RGL1: variants seen among roughly 807,000 people sequenced by gnomAD.
The protein encoded by RGL1 is ral guanine nucleotide dissociation stimulator-like 1.
Under a neutral mutation model 95.2 loss-of-function variants are expected in RGL1, and 24 were observed. The ratio of observed to expected loss-of-function variants is 0.25; its 90% CI spans 0.18 to 0.35. The LOEUF is 0.35. RGL1 is among the 10% of genes least tolerant of loss of function. The probability of loss-of-function intolerance (pLI) is 1.00; values close to 1 mark genes in which losing one functional copy is unlikely to be tolerated. For synonymous variants in RGL1, 329 were observed against 344.9 expected (o/e 0.95, Z 0.51); for missense variants, 715 against 936.3 (o/e 0.76, Z 3.08).
chr1:183,732,936 G>C (rs10911426), intron 1 of RGL1, among the ~76,000 whole-genome samples: 71,128 of 151,944 alleles, frequency 0.47, 17,498 homozygotes, highest in East Asian at 0.8. Context: ...GTTCTCAAAG[G>C]CTTCATTTAG....
intron 5 of RGL1, among the ~76,000 whole-genome samples, chr1:183,883,146 T>G (rs1666919835): frequency 6.6e-6 from 1 of 152,224 alleles, no homozygotes; most frequent in South Asian, 2.1e-4. Flanking sequence ...TCCTGGGTAC[T>G]GATTTTCTCT....
intron 2 of RGL1, among the ~76,000 whole-genome samples, chr1:183,793,415 A>T (rs1220701853): frequency 1.3e-5 from 2 of 152,220 alleles, no homozygotes; most frequent in Non-Finnish European, 2.9e-5. Context: ...ACAAAAATAG[A>T]TAAGTGGGAC....
intron 1 of RGL1, among the ~76,000 whole-genome samples, chr1:183,736,214 G>A (rs1462774890): frequency 6.6e-6 from 1 of 152,162 alleles, no homozygotes. Context: ...AGTACAATAC[G>A]TGAGTGAAAC....
intron 4 of RGL1, among the ~76,000 whole-genome samples, chr1:183,875,364 A>T (rs1323326552): frequency 6.6e-6 from 1 of 152,204 alleles, no homozygotes; most frequent in African/African-American, 2.4e-5. Flanking sequence ...TGTTAATATG[A>T]TTTAATACGT....
chr1:183,672,817 T>C (rs564943769), intron 1 of RGL1, among the ~76,000 whole-genome samples: 2 of 152,362 alleles, frequency 1.3e-5, no homozygotes, highest in African/African-American at 4.8e-5. Flanking sequence ...TTTTATTTAG[T>C]AAGTCATACT....
chr1:183,866,410 G>A (rs1360110362), intron 4 of RGL1, among the ~76,000 whole-genome samples: 1 of 152,208 alleles, frequency 6.6e-6, no homozygotes, highest in Non-Finnish European at 1.5e-5. Context: ...ATGAAGCAGG[G>A]TCTGAGGGCT....
chr1:183,705,020 T>A (rs1164361596), intron 1 of RGL1, among the ~76,000 whole-genome samples: 1 of 151,968 alleles, frequency 6.6e-6, no homozygotes, highest in Non-Finnish European at 1.5e-5. Flanking sequence ...TTTGGTGAGG[T>A]CTAGGTCTGG....
rs545748418 is a variant in RGL1 at position 183,885,186 on chromosome 1, C to G, written c.951+248C>G. 9.3e-4 allele frequency among the ~76,000 whole-genome samples: 142 copies of G among 152,318 alleles called. 2 individuals carry two copies. In the South Asian group the frequency reaches 0.029, roughly 31 times the overall value. Reference sequence around the variant, plus strand: ...ACTTCTTCCCAGTTATGGGCTCTCACACTGCTACCTCTCTAGAGTGAGACA... The same window carrying G: ...ACTTCTTCCCAGTTATGGGCTCTCAGACTGCTACCTCTCTAGAGTGAGACA... On this transcript the variant is annotated intron_variant, in intron 7 of 17. Coordinates refer to ENST00000360851, the MANE Select transcript of RGL1 (RefSeq NM_001297671.3).
intron 1 of RGL1, among the ~76,000 whole-genome samples, chr1:183,739,364 A>T (rs376012924): frequency 2.0e-5 from 3 of 152,338 alleles, no homozygotes; most frequent in African/African-American, 7.2e-5. Context: ...GCGGCGGGAG[A>T]GTAGGATGGA....
At chr1:183,680,552 C>T (rs746224216) in intron 1 of RGL1, among the ~76,000 whole-genome samples, 24 of 152,088 alleles carry the variant, frequency 1.6e-4, no homozygotes, top group African/African-American at 2.7e-4. Flanking sequence ...GTTTTGGTAC[C>T]GGTACCATGC....
At chr1:183,898,139 GT>G (rs1230777980) in intron 10 of RGL1, among the ~76,000 whole-genome samples, 1 of 152,214 alleles carries the variant, frequency 6.6e-6, no homozygotes, top group African/African-American at 2.4e-5. Flanking sequence ...TGGCAAAGTT[GT>G]TTTCTGAAGG....
chr1:183,643,262 T>TTTA (rs1553265192), intron 1 of RGL1, among the ~76,000 whole-genome samples: 2,029 of 136,490 alleles, frequency 0.015, 20 homozygotes, highest in African/African-American at 0.032. Context: ...GGTCCTGTTT[T>TTTA]TTTATTTATT....
intron 1 of RGL1, among the ~76,000 whole-genome samples, chr1:183,683,607 T>G (rs573524883): frequency 6.6e-6 from 1 of 152,318 alleles, no homozygotes; most frequent in East Asian, 1.9e-4. Flanking sequence ...AATTTTTCCT[T>G]TGTTTCAACC....
intron 4 of RGL1, among the ~76,000 whole-genome samples, chr1:183,876,674 T>G (rs1350983501): frequency 6.6e-6 from 1 of 152,254 alleles, no homozygotes; most frequent in Non-Finnish European, 1.5e-5. Context: ...TGTCTTTGAT[T>G]TGTCCTAGAG....
intron 3 of RGL1, among the ~76,000 whole-genome samples, chr1:183,849,143 G>A (rs1664646144): frequency 6.6e-6 from 1 of 152,052 alleles, no homozygotes; most frequent in Non-Finnish European, 1.5e-5. Context: ...GGACTGGAGT[G>A]CAGTCACACA....
chr1:183,920,157 C>T (rs751142176), intron 16 of RGL1, among the ~76,000 whole-genome samples: 36 of 152,036 alleles, frequency 2.4e-4, no homozygotes, highest in Non-Finnish European at 4.3e-4. Context: ...GCCTCAGCCT[C>T]CTGAGTAGCT....
intron 1 of RGL1, among the ~76,000 whole-genome samples, chr1:183,654,119 C>T (rs562504892): frequency 5.9e-5 from 9 of 152,322 alleles, no homozygotes; most frequent in East Asian, 5.8e-4. Context: ...AGCTTCGCCA[C>T]GCCTGTTTCC....
chr1:183,909,390 A>G (rs1009342738), intron 14 of RGL1, among the ~76,000 whole-genome samples: 3 of 152,234 alleles, frequency 2.0e-5, no homozygotes, highest in African/African-American at 7.2e-5. Flanking sequence ...AGGACAAAGC[A>G]GGACCTTACT....
intron 2 of RGL1, among the ~76,000 whole-genome samples, chr1:183,827,636 A>G (rs1261170744): frequency 6.6e-6 from 1 of 152,266 alleles, no homozygotes; most frequent in African/African-American, 2.4e-5. Flanking sequence ...CTTCAGTTCA[A>G]GAGGCGTAGC....
Sources: allele counts gnomAD v4.1 joint callset (sites outside exome capture counted in the v4.1 genomes callset), GRCh38; gene constraint gnomAD v4.1.1; transcripts MANE v1.5; gene names NCBI Gene and HGNC (gene_info 2026-07-23, HGNC 2026-07-21).